Variants in FREM1 observed in about 807,000 individuals in gnomAD.
FREM1 encodes the protein FRAS1-related extracellular matrix protein 1.
FREM1 carries 220 observed loss-of-function variants against 210.1 expected under a neutral mutation model. The ratio of observed to expected loss-of-function variants is 1.05; its 90% confidence interval spans 0.94 to 1.17. FREM1 has a LOEUF of 1.17. FREM1 is among the 50% of genes most tolerant of loss of function. FREM1 has a pLI of 0.00. For missense variants in FREM1, 3,454 were observed against 2,675.5 expected, an observed-to-expected ratio of 1.29 and a Z score of -6.42; for synonymous variants, 1,189 against 980.2, an observed-to-expected ratio of 1.21 and a Z score of -3.98.
At chr9:14,808,396 A>G (rs939201868) in intron 16 of FREM1, among the ~76,000 whole-genome samples, 1 of 152,236 alleles carries the variant, frequency 6.6e-6, no homozygotes, top group Non-Finnish European at 1.5e-5. Context: ...CTGGGCCAAC[A>G]AGGGTCTGAC....
intron 1 of FREM1, among the ~76,000 whole-genome samples, chr9:14,902,039 T>A (rs932501927): frequency 9.3e-5 from 14 of 151,068 alleles, no homozygotes; most frequent in African/African-American, 3.2e-4. Flanking sequence ...AGAGATCAGA[T>A]CTCACTATGT....
In FREM1 at chr9:14,808,122, C is replaced by T; in HGVS notation, c.2906G>A (p.Gly969Asp). The T allele has an allele frequency of 6.3e-7, 1 of 1,594,950 alleles. No individual in the cohort carries two copies. The highest frequency in any genetic ancestry group is 1.1e-5 in the South Asian group (1 of 87,136). Residue 969 changes from glycine (G) to aspartate (D), a missense_variant, in exon 17 of 37, where the codon GGC becomes GAC. Transcript: ENST00000380880. ...VTYKHTGGEI[G>D]LMPCFDTITL... ...AATGGTGTCAAAACAAGGCATCAGG[C>T]CAATCTCGCCACCTGGAAGACACAA...
intron 36 of FREM1, among the ~76,000 whole-genome samples, chr9:14,738,551 C>G (rs1177954140): frequency 6.6e-6 from 1 of 152,058 alleles, no homozygotes; most frequent in South Asian, 2.1e-4. Flanking sequence ...TCTCTTAATA[C>G]TCAGTTCATT....
intron 21 of FREM1, among the ~76,000 whole-genome samples, chr9:14,793,459 C>T (rs964962792): frequency 6.6e-6 from 1 of 152,118 alleles, no homozygotes; most frequent in Non-Finnish European, 1.5e-5. Context: ...TTACAGATGC[C>T]AGGTCAGCTC....
intron 22 of FREM1, chr9:14,791,224 A>T (rs767287947): frequency 5.3e-5 from 8 of 152,228 alleles, no homozygotes; most frequent in Non-Finnish European, 1.0e-4. Context: ...TCATGCACAC[A>T]GTCTGAATCA....
At chr9:14,867,660 G>T (rs565883329) in intron 2 of FREM1, among the ~76,000 whole-genome samples, 1 of 152,204 alleles carries the variant, frequency 6.6e-6, no homozygotes, top group African/African-American at 2.4e-5. Context: ...GTAATACCTA[G>T]TACCACTTTT....
At chr9:14,824,595 A>G (rs943515669) in intron 11 of FREM1, among the ~76,000 whole-genome samples, 3 of 152,232 alleles carry the variant, frequency 2.0e-5, no homozygotes, top group African/African-American at 7.2e-5. Context: ...CAAGCTGCAG[A>G]TCACTTACCA....
At chr9:14,828,661 A>C (rs1242735499) in intron 10 of FREM1, among the ~76,000 whole-genome samples, 1 of 141,296 alleles carries the variant, frequency 7.1e-6, no homozygotes, top group Admixed American at 7.0e-5. Flanking sequence ...GTGCCGGGGT[A>C]GAATGTTATG....
chr9:14,906,839 A>G (rs1817785651), intron 1 of FREM1, among the ~76,000 whole-genome samples: 1 of 152,212 alleles, frequency 6.6e-6, no homozygotes, highest in African/African-American at 2.4e-5. Flanking sequence ...CAGAACACCC[A>G]GTAAAGGACT....
intron 14 of FREM1, among the ~76,000 whole-genome samples, chr9:14,817,408 C>G (rs1353953426): frequency 6.6e-6 from 1 of 152,120 alleles, no homozygotes; most frequent in East Asian, 1.9e-4. Flanking sequence ...AGCTATCTTC[C>G]TCTCAATCTA....
Position 14,771,064 on chromosome 9 carries a change from G to A in FREM1, c.4858-258C>T, listed in dbSNP as rs570650907. On this transcript the variant is annotated intron_variant, in intron 25 of 36. Coordinates refer to ENST00000380880, the MANE Select transcript of FREM1 (RefSeq NM_001379081.2). ...TGTCTATTGCTTGACTGCCACTTAG[G>A]ATACAAGTTCCGAGAGGGCAGGCGT... Among the ~76,000 whole-genome samples the A allele has an allele frequency of 1.1e-4, 17 of 152,162 alleles. No individual in the cohort carries two copies. In the South Asian group the frequency reaches 1.7e-3, roughly 15 times the overall value.
At chr9:14,906,426 T>C (rs1334658884) in intron 1 of FREM1, among the ~76,000 whole-genome samples, 1 of 152,172 alleles carries the variant, frequency 6.6e-6, no homozygotes, top group Non-Finnish European at 1.5e-5. Flanking sequence ...AAAAGGGACA[T>C]TTATGTAAAA....
chr9:14,860,780 T>TACATATATACACATATAC lies in FREM1; in HGVS notation c.330-1297_330-1296insGTATATGTGTATATATGT, dbSNP rs1564101483. Among the ~76,000 whole-genome samples, 45 of 85,786 alleles carry TACATATATACACATATAC rather than the reference T, an allele frequency of 5.2e-4. 1 individual carries two copies. Among genetic ancestry groups the TACATATATACACATATAC allele is most frequent in the Non-Finnish European group, 8.1e-4 (39 of 47,996 alleles). The allele number at this position is 85,786 out of a possible 152,430, so 56.3% of individuals were successfully genotyped here. ...ATATATGCACATATATACACATATA[T>TACATATATACACATATAC]ACATATATACATATATACACATATA... On this transcript the variant is annotated intron_variant, in intron 3 of 36. Transcript: ENST00000380880.
chr9:14,859,626 C>T (rs546805800), intron 3 of FREM1, 142 bp from the exon 4 acceptor site: 99 of 673,640 alleles, frequency 1.5e-4, no homozygotes, highest in Middle Eastern at 1.3e-3. Flanking sequence ...TTGCTCTACT[C>T]CCAGCCTCTC....
Position 14,848,724 on chromosome 9 carries a change from G to C in FREM1, c.1202C>G (p.Thr401Arg), listed in dbSNP as rs781583560. The C allele has an allele frequency of 1.9e-6, 3 of 1,613,176 alleles. No homozygotes were observed. Among genetic ancestry groups the C allele is most frequent in the East Asian group, 2.2e-5 (1 of 44,860 alleles). The change falls in exon 7 of 37, where the codon ACA (threonine) becomes AGA (arginine). Residue 401 changes from threonine to arginine, a missense_variant. Transcript: ENST00000380880. ...TGCTGTTCTGATGGAGATGTGGACT[G>C]TCATAGGTGCACTCCTTTCAAAGAA... is the stretch of plus-strand genomic sequence containing the variant. ...DFFFERSAPMTVHISIRTADT... is the reference protein window; with the variant it reads ...DFFFERSAPMRVHISIRTADT...
At chr9:14,812,066 C>G (rs1417764614) in intron 16 of FREM1, among the ~76,000 whole-genome samples, 2 of 152,154 alleles carry the variant, frequency 1.3e-5, no homozygotes, top group African/African-American at 4.8e-5. Flanking sequence ...GTGTCAGTGT[C>G]AGTCACACTG....
At position 14,806,771 on chromosome 9, in the gene FREM1, G is replaced by C. The variant is rs777434332; in HGVS notation, c.3164C>G (p.Thr1055Ser). 33 of 1,606,854 alleles carry C rather than the reference G, an allele frequency of 2.1e-5. No individual in the cohort carries two copies. In the East Asian group the frequency reaches 6.9e-4, roughly 34 times the overall value. The change falls in exon 18 of 37, where the codon ACT becomes AGT. Residue 1055 changes from threonine (T) to serine (S), a missense_variant. Thr to Ser is a moderately conservative substitution (Grantham distance 58, BLOSUM62 1). Transcript: ENST00000380880. ...AACAAATTCCAAGTCATCTGCTGCA[G>C]TGTCAGGGTCAGTGGCGGACAAATG... The part of the protein sequence containing the change: ...VNHLSATDPD[T>S]AADDLEFVLV...
At chr9:14,827,558 C>A (rs532162813) in intron 10 of FREM1, among the ~76,000 whole-genome samples, 1 of 152,234 alleles carries the variant, frequency 6.6e-6, no homozygotes, top group African/African-American at 2.4e-5. Context: ...AAATTCTCAG[C>A]CTGACCATAT....
chr9:14,812,537 G>A (rs531047949), intron 16 of FREM1, among the ~76,000 whole-genome samples: 6 of 152,268 alleles, frequency 3.9e-5, no homozygotes, highest in East Asian at 1.9e-4. Flanking sequence ...ACGCTAAGGA[G>A]AATCATAGGG....
Sources: allele counts gnomAD v4.1 joint callset (sites outside exome capture counted in the v4.1 genomes callset), GRCh38; gene constraint gnomAD v4.1.1; transcripts MANE v1.5; gene names NCBI Gene and HGNC (gene_info 2026-07-23, HGNC 2026-07-21).